The following SRPK2 variants were observed in gnomAD, a reference collection of about 807,000 sequenced individuals.
SRPK2 encodes the protein SFRS protein kinase 2.
Under a neutral mutation model 90.8 loss-of-function variants are expected in SRPK2, and 21 were observed. That is an observed-to-expected ratio of 0.23 (90% CI 0.16 to 0.33). The LOEUF (loss-of-function observed/expected upper bound fraction) is 0.33, where lower values mean the gene tolerates loss of function less well. SRPK2 is among the 10% of genes least tolerant of loss of function. The pLI is 1.00. For synonymous variants in SRPK2, 288 were observed against 311.1 expected, an observed-to-expected ratio of 0.93 and a Z score of 0.78; for missense variants, 620 against 869.0, an observed-to-expected ratio of 0.71 and a Z score of 3.60.
intron 2 of SRPK2, among the ~76,000 whole-genome samples, chr7:105,303,124 C>T (rs1019407493): frequency 6.6e-6 from 1 of 151,978 alleles, no homozygotes; most frequent in African/African-American, 2.4e-5. Flanking sequence ...CCATGGAATA[C>T]TATGCAGCCA....
chr7:105,221,604 A>G (rs1442362082), intron 2 of SRPK2, among the ~76,000 whole-genome samples: 1 of 152,132 alleles, frequency 6.6e-6, no homozygotes, highest in Admixed American at 6.5e-5. Context: ...TACTGCCTCA[A>G]TTTCCATCCC....
chr7:105,280,765 G>C (rs1241179810), intron 2 of SRPK2, among the ~76,000 whole-genome samples: 2 of 150,626 alleles, frequency 1.3e-5, no homozygotes, highest in African/African-American at 2.5e-5. Flanking sequence ...GGCTAACACA[G>C]TGAAACCCCG....
intron 11 of SRPK2, among the ~76,000 whole-genome samples, chr7:105,135,044 C>T (rs948091284): frequency 4.6e-5 from 7 of 152,216 alleles, no homozygotes; most frequent in African/African-American, 1.7e-4. Context: ...GGGCTGAGAA[C>T]AGAGGTCCAG....
chr7:105,271,204 C>G (rs1428287980), intron 2 of SRPK2, among the ~76,000 whole-genome samples: 1 of 152,122 alleles, frequency 6.6e-6, no homozygotes, highest in East Asian at 1.9e-4. Context: ...AGTATACGTA[C>G]GTATATCAAT....
intron 2 of SRPK2, among the ~76,000 whole-genome samples, chr7:105,274,477 G>A (rs1806225283): frequency 6.6e-6 from 1 of 151,834 alleles, no homozygotes; most frequent in Non-Finnish European, 1.5e-5. Flanking sequence ...CAGGAGAATC[G>A]CTTCAACCCG....
At chr7:105,347,699 T>C (rs1028005401) in intron 2 of SRPK2, among the ~76,000 whole-genome samples, 3 of 151,304 alleles carry the variant, frequency 2.0e-5, no homozygotes, top group African/African-American at 7.3e-5. Context: ...TGCAAAAAAA[T>C]TTTAAAAATT....
At chr7:105,353,567 C>T (rs577484032) in intron 2 of SRPK2, among the ~76,000 whole-genome samples, 1 of 151,774 alleles carries the variant, frequency 6.6e-6, no homozygotes, top group East Asian at 1.9e-4. Flanking sequence ...GGTTTTGTCA[C>T]GTTGCTCAGG....
Position 105,145,292 on chromosome 7 carries a change from C to T in SRPK2, c.804G>A (p.Gln268=). ...ATGCGTAAGTACTTACAGGTTTCTG[C>T]TGTGGAGCCGTACTCACTAAAATAA... ...PSGSAVSTAP[Q]QKPIGKISKN... is the part of the protein sequence containing the mutation. The change falls in exon 9 of 16, where the codon CAG becomes CAA. Residue 268 remains glutamine (Q), a synonymous_variant. Coordinates refer to ENST00000393651, the MANE Select transcript of SRPK2 (RefSeq NM_182692.3). 1.3e-6 allele frequency: 2 copies of T among 1,593,168 alleles called. No individual in the cohort carries two copies. The highest frequency in any genetic ancestry group is 1.7e-6 in the Non-Finnish European group (2 of 1,169,638).
intron 2 of SRPK2, among the ~76,000 whole-genome samples, chr7:105,217,417 T>C (rs977024222): frequency 2.6e-5 from 4 of 152,208 alleles, no homozygotes; most frequent in Admixed American, 6.5e-5. Context: ...AACCAAATAC[T>C]ATAAATTATT....
intron 2 of SRPK2, among the ~76,000 whole-genome samples, chr7:105,325,248 C>T (rs1322882474): frequency 6.6e-6 from 1 of 152,146 alleles, no homozygotes. Context: ...CAGAGAAGGG[C>T]TGTTAAAATA....
chr7:105,142,512 G>A, intron 10 of SRPK2, 22 bp from the exon 11 acceptor site: 1 of 1,582,894 alleles, frequency 6.3e-7, no homozygotes, highest in Non-Finnish European at 8.6e-7. Context: ...GATGGGTCAA[G>A]AATTAGAACT....
intron 11 of SRPK2, among the ~76,000 whole-genome samples, chr7:105,137,344 T>C (rs1802998371): frequency 6.6e-6 from 1 of 152,122 alleles, no homozygotes; most frequent in East Asian, 1.9e-4. Flanking sequence ...CTACTCTACA[T>C]GGGAAACACA....
intron 2 of SRPK2, among the ~76,000 whole-genome samples, chr7:105,328,433 G>C (rs1009919745): frequency 6.6e-6 from 1 of 151,542 alleles, no homozygotes; most frequent in Non-Finnish European, 1.5e-5. Context: ...TGTGGTGGCA[G>C]GCGACTGTAA....
At chr7:105,252,352 A>T (rs1481302304) in intron 2 of SRPK2, among the ~76,000 whole-genome samples, 2 of 152,144 alleles carry the variant, frequency 1.3e-5, no homozygotes, top group Non-Finnish European at 2.9e-5. Context: ...AACAAAGGGC[A>T]AAAGGAAGCA....
chr7:105,210,236 G>A (rs1046181594), intron 2 of SRPK2, among the ~76,000 whole-genome samples: 2 of 152,192 alleles, frequency 1.3e-5, no homozygotes, highest in African/African-American at 4.8e-5. Flanking sequence ...ATACAGTTCA[G>A]TTAATTTTTA....
chr7:105,120,752 C>G (rs547817021), intron 15 of SRPK2, among the ~76,000 whole-genome samples: 8 of 152,062 alleles, frequency 5.3e-5, no homozygotes, highest in African/African-American at 1.9e-4. Flanking sequence ...ATTATGTGTG[C>G]AAACCCTTAA....
intron 13 of SRPK2, among the ~76,000 whole-genome samples, chr7:105,129,474 A>C (rs1296808878): frequency 6.6e-6 from 1 of 151,944 alleles, no homozygotes; most frequent in African/African-American, 2.4e-5. Context: ...TCCTGGGTTC[A>C]AGCGATTCTC....
chr7:105,322,274 G>A (rs929961640), intron 2 of SRPK2, among the ~76,000 whole-genome samples: 3 of 151,998 alleles, frequency 2.0e-5, no homozygotes, highest in Non-Finnish European at 2.9e-5. Context: ...AAAATTAGCC[G>A]GGCATAGGGG....
At chr7:105,203,904 G>T in intron 2 of SRPK2, 119 bp from the exon 3 acceptor site, 2 of 1,202,372 alleles carry the variant, frequency 1.7e-6, no homozygotes, top group Non-Finnish European at 2.3e-6. Flanking sequence ...AAGAAGAAAT[G>T]TCATTTAATG....
Sources: allele counts gnomAD v4.1 joint callset (sites outside exome capture counted in the v4.1 genomes callset), GRCh38; gene constraint gnomAD v4.1.1; transcripts MANE v1.5; gene names NCBI Gene and HGNC (gene_info 2026-07-23, HGNC 2026-07-21).